The following PPP1R1C variants were observed in gnomAD, a reference collection of about 807,000 sequenced individuals.
PPP1R1C encodes the protein protein phosphatase 1 regulatory subunit 1C.
Under a neutral mutation model 17.4 loss-of-function variants are expected in PPP1R1C, and 15 were observed. That is an observed-to-expected ratio of 0.86 (90% CI 0.58 to 1.33). The LOEUF (loss-of-function observed/expected upper bound fraction) is 1.33. Among genes scored for constraint, PPP1R1C ranks in the 40% most tolerant of loss-of-function variants. The probability of loss-of-function intolerance (pLI) is 0.00; values close to 1 mark genes in which losing one functional copy is unlikely to be tolerated. For synonymous variants in PPP1R1C, 35 were observed against 43.1 expected, an observed-to-expected ratio of 0.81 and a Z score of 0.73; for missense variants, 143 against 130.0, an observed-to-expected ratio of 1.10 and a Z score of -0.48.
At chr2:182,046,103 TCC>T (rs1485834135) in intron 2 of PPP1R1C, among the ~76,000 whole-genome samples, 3 of 22,834 alleles carry the variant, frequency 1.3e-4, no homozygotes, top group Non-Finnish European at 6.6e-4. Flanking sequence ...TTTCCTTCCT[TCC>T]TTCCTTCCTT....
At chr2:182,110,478 T>A (rs1276821761) in intron 4 of PPP1R1C, among the ~76,000 whole-genome samples, 1 of 152,116 alleles carries the variant, frequency 6.6e-6, no homozygotes, top group East Asian at 1.9e-4. Flanking sequence ...GAGCTCAGAG[T>A]CAGAGCTGGG....
chr2:182,117,420 A>T lies in PPP1R1C; in HGVS notation c.*125A>T. ...CCATCTCTGCACCCCACACTCATACAGTAGCTATGCACATCCTGGAAGTCT... is the reference window on the plus strand; with the variant it reads ...CCATCTCTGCACCCCACACTCATACTGTAGCTATGCACATCCTGGAAGTCT... On this transcript the variant is annotated 3_prime_UTR_variant, in exon 5 of 5. Coordinates refer to ENST00000682840, the MANE Select transcript of PPP1R1C (RefSeq NM_001080545.3). 1.5e-6 allele frequency: 1 copy of T among 657,128 alleles called. No individual in the cohort carries two copies. Among genetic ancestry groups the T allele is most frequent in the Non-Finnish European group, 2.6e-6 (1 of 379,204 alleles). The allele number at this position is 657,128 out of a possible 1,614,324, so 40.7% of individuals were successfully genotyped here. A position where few individuals can be genotyped will look rare whatever the true frequency, so the allele number is the denominator to read the frequency against.
intron 2 of PPP1R1C, among the ~76,000 whole-genome samples, chr2:182,042,633 G>C (rs1217879719): frequency 6.6e-6 from 1 of 152,194 alleles, no homozygotes; most frequent in Non-Finnish European, 1.5e-5. Flanking sequence ...AAAGAGGAAA[G>C]ATGCATGTGG....
At chr2:182,023,011 G>T (rs747150851) in intron 2 of PPP1R1C, among the ~76,000 whole-genome samples, 3 of 152,148 alleles carry the variant, frequency 2.0e-5, no homozygotes, top group Non-Finnish European at 4.4e-5. Flanking sequence ...TATCAAGAAT[G>T]ATCTATAGTT....
chr2:182,121,769 T>G (rs2125240591), downstream of PPP1R1C, among the ~76,000 whole-genome samples: 1 of 152,334 alleles, frequency 6.6e-6, no homozygotes, highest in South Asian at 2.1e-4. Flanking sequence ...CCCAAAGTGC[T>G]GGGATTACAG....
intron 2 of PPP1R1C, among the ~76,000 whole-genome samples, chr2:182,056,986 A>C (rs1687702198): frequency 6.6e-6 from 1 of 152,208 alleles, no homozygotes; most frequent in South Asian, 2.1e-4. Context: ...TGCCTTAAAA[A>C]GTTTGCAAAC....
intron 2 of PPP1R1C, among the ~76,000 whole-genome samples, chr2:182,045,593 A>G (rs1418080193): frequency 6.6e-6 from 1 of 152,134 alleles, no homozygotes; most frequent in African/African-American, 2.4e-5. Context: ...TAACTAAAAA[A>G]TAAAAGTTTT....
At chr2:182,037,870 A>T (rs1378102895) in intron 2 of PPP1R1C, among the ~76,000 whole-genome samples, 2 of 152,092 alleles carry the variant, frequency 1.3e-5, no homozygotes, top group East Asian at 3.8e-4. Flanking sequence ...TTATTTCTAC[A>T]CTTTTATTAG....
chr2:182,051,088 G>A (rs1195390731), intron 2 of PPP1R1C, among the ~76,000 whole-genome samples: 2 of 152,212 alleles, frequency 1.3e-5, no homozygotes, highest in Non-Finnish European at 2.9e-5. Flanking sequence ...TTTCATGGAG[G>A]AAATTGATGG....
At chr2:181,972,944 G>A (rs1405254688) in intron 1 of PPP1R1C, among the ~76,000 whole-genome samples, 1 of 152,052 alleles carries the variant, frequency 6.6e-6, no homozygotes, top group African/African-American at 2.4e-5. Flanking sequence ...TTATCTGTTT[G>A]CTTCCAAACT....
chr2:182,041,266 A>T (rs1687173471), intron 2 of PPP1R1C, among the ~76,000 whole-genome samples: 1 of 152,186 alleles, frequency 6.6e-6, no homozygotes, highest in Non-Finnish European at 1.5e-5. Context: ...AAAATGGAAT[A>T]TGTCATCGAC....
At chr2:182,055,811 A>C (rs186454269) in intron 2 of PPP1R1C, among the ~76,000 whole-genome samples, 62 of 152,294 alleles carry the variant, frequency 4.1e-4, no homozygotes, top group African/African-American at 1.4e-3. Context: ...GATGTTTTCA[A>C]ATTGCTCTGA....
At chr2:182,003,237 T>C (rs987389205) in intron 2 of PPP1R1C, among the ~76,000 whole-genome samples, 29 of 152,198 alleles carry the variant, frequency 1.9e-4, no homozygotes, top group African/African-American at 7.0e-4. Flanking sequence ...TGTATTTCAC[T>C]ACCTTTGCTC....
chr2:182,085,468 G>T (rs58214141), intron 4 of PPP1R1C, among the ~76,000 whole-genome samples: 1 of 152,012 alleles, frequency 6.6e-6, no homozygotes, highest in African/African-American at 2.4e-5. Flanking sequence ...TTTATCAAAA[G>T]TATAAGTAGC....
At chr2:182,070,858 A>G (rs2125204496) in intron 4 of PPP1R1C, among the ~76,000 whole-genome samples, 1 of 152,344 alleles carries the variant, frequency 6.6e-6, no homozygotes, top group Admixed American at 6.5e-5. Flanking sequence ...AGGGGGAGCC[A>G]GCACTTTCCA....
At chr2:182,049,362 G>A (rs1175605578) in intron 2 of PPP1R1C, among the ~76,000 whole-genome samples, 2 of 151,358 alleles carry the variant, frequency 1.3e-5, no homozygotes, top group East Asian at 1.9e-4. Flanking sequence ...TCTCTCTAGG[G>A]CACCTCAAAA....
rs188303443 is a variant in PPP1R1C, at chr2:182,015,786, G to T, written c.142+27887G>T. Among the ~76,000 whole-genome samples, 166 of 152,040 alleles carry T rather than the reference G, an allele frequency of 1.1e-3. 1 individual carries two copies. Among genetic ancestry groups the T allele is most frequent in the South Asian group, 2.5e-3 (12 of 4,802 alleles). ...ACTGTGGCTGAGCTGGATCTAAGTC[G>T]CAAAAAAGTCCTCTTTATTCTATTG... On this transcript the variant is annotated intron_variant, in intron 2 of 4. Transcript: ENST00000682840.
intron 2 of PPP1R1C, among the ~76,000 whole-genome samples, chr2:182,048,025 G>C (rs562007640): frequency 5.4e-4 from 82 of 152,052 alleles, no homozygotes; most frequent in African/African-American, 1.9e-3. Flanking sequence ...CATTTTAGGG[G>C]GTTCAGAGAG....
At chr2:182,123,575 G>T (rs1689790746) in intron 5 of PPP1R1C, among the ~76,000 whole-genome samples, 1 of 152,168 alleles carries the variant, frequency 6.6e-6, no homozygotes, top group Non-Finnish European at 1.5e-5. Context: ...TCTCATGGTG[G>T]TTTTGATTTG....
Sources: allele counts gnomAD v4.1 joint callset (sites outside exome capture counted in the v4.1 genomes callset), GRCh38; gene constraint gnomAD v4.1.1; transcripts MANE v1.5; gene names NCBI Gene and HGNC (gene_info 2026-07-23, HGNC 2026-07-21).